Variants in TPCN2 observed in about 807,000 individuals in gnomAD.
TPCN2 encodes two pore channel protein 2.
Under a neutral mutation model 111.4 loss-of-function variants are expected in TPCN2, and 92 were observed. The ratio of observed to expected loss-of-function variants is 0.83; its 90% CI spans 0.70 to 0.98. The LOEUF (loss-of-function observed/expected upper bound fraction) is 0.98, where lower values mean the gene tolerates loss of function less well. TPCN2 is among the 50% of genes least tolerant of loss of function. The probability of loss-of-function intolerance (pLI) is 0.00; values close to 1 mark genes in which losing one functional copy is unlikely to be tolerated. For synonymous variants in TPCN2, 405 were observed against 414.5 expected, an observed-to-expected ratio of 0.98 and a Z score of 0.28; for missense variants, 995 against 980.1, an observed-to-expected ratio of 1.02 and a Z score of -0.20.
intron 7 of TPCN2, among the ~76,000 whole-genome samples, chr11:69,066,732 G>T (rs1366791340): frequency 1.3e-5 from 2 of 152,174 alleles, no homozygotes; most frequent in Non-Finnish European, 2.9e-5. Flanking sequence ...GTCCCGCTGT[G>T]CCACCTGCCC....
intron 3 of TPCN2, 48 bp downstream of exon 3, chr11:69,054,845 G>T (rs938095600): frequency 6.3e-7 from 1 of 1,586,464 alleles, no homozygotes; most frequent in African/African-American, 1.3e-5. Flanking sequence ...GGCTTGCGTG[G>T]CAGGGGAGGC....
At chr11:69,049,278 G>A (rs1388488787) in intron 1 of TPCN2, among the ~76,000 whole-genome samples, 172 bp downstream of exon 1, 1 of 152,162 alleles carries the variant, frequency 6.6e-6, no homozygotes, top group Non-Finnish European at 1.5e-5. Flanking sequence ...GAGGGCGAGT[G>A]GGCTGCGTCC....
chr11:69,049,032 T>G lies in TPCN2; in HGVS notation c.35T>G (p.Leu12Arg), dbSNP rs1861090019. 8.1e-7 allele frequency: 1 copy of G among 1,241,438 alleles called. No homozygotes were observed. The highest frequency in any genetic ancestry group is 1.0e-6 in the Non-Finnish European group (1 of 988,462). The allele number at this position is 1,241,438 out of a possible 1,614,324, so 76.9% of individuals were successfully genotyped here. A position where few individuals can be genotyped will look rare whatever the true frequency, so the allele number is the denominator to read the frequency against. Reference protein sequence around the residue: ...AEPQAESEPLLGGARGGGGDW... With the variant: ...AEPQAESEPLRGGARGGGGDW... The stretch of plus-strand genomic sequence containing the variant: ...CCCCAGGCGGAGTCGGAGCCCCTGC[T>G]GGGCGGGGCCCGCGGCGGTGGCGGC... The change falls in exon 1 of 25, where the codon CTG becomes CGG. Residue 12 changes from leucine (L) to arginine (R), a missense_variant. Physicochemically the swap from Leu to Arg is moderately radical, Grantham distance 102 (BLOSUM62 -2). Transcript: ENST00000294309.
intron 5 of TPCN2, 119 bp from the exon 6 acceptor site, chr11:69,062,765 T>A (rs748427622): frequency 1.8e-5 from 16 of 896,628 alleles, no homozygotes; most frequent in Non-Finnish European, 2.6e-5. Flanking sequence ...TTGGGCTCAG[T>A]GACTCTGGAG....
chr11:69,083,112 C>T (rs1008175455), intron 18 of TPCN2: 4 of 152,662 alleles, frequency 2.6e-5, no homozygotes, highest in African/African-American at 7.2e-5. Flanking sequence ...AACTTGTGCC[C>T]GTGTAAGATG....
At position 69,087,218 on chromosome 11, in the gene TPCN2, GGGAA is replaced by G; in HGVS notation, c.2180+15_2180+18del. The G allele has an allele frequency of 6.2e-7, 1 of 1,612,556 alleles. No individual in the cohort carries two copies. The highest frequency in any genetic ancestry group is 1.1e-5 in the South Asian group (1 of 90,974). ...GAGCTCCTGTTCAGGTGTGTGGGTGGGGAAGGCGCTTCTGTCTGGCCCCCTGGGA... is the reference window on the plus strand; with the variant it reads ...GAGCTCCTGTTCAGGTGTGTGGGTGGGGCGCTTCTGTCTGGCCCCCTGGGA... On this transcript the variant is annotated intron_variant, in intron 24 of 24. Coordinates refer to ENST00000294309, the MANE Select transcript of TPCN2 (RefSeq NM_139075.4).
rs757581829 is a variant in TPCN2, at chr11:69,085,257, C to CGTCATTGT, written c.1811_1818dup (p.Ala607SerfsTer46). 1.9e-6 allele frequency: 3 copies of CGTCATTGT among 1,596,868 alleles called. No homozygotes were observed. In the South Asian group the frequency reaches 3.3e-5, roughly 18 times the overall value. On this transcript the variant is annotated frameshift_variant, in exon 20 of 25. Transcript: ENST00000294309. LOFTEE classifies it high-confidence loss of function. The stretch of plus-strand genomic sequence containing the variant: ...TCATTGGGATCAACTTGTTTAGAGG[C>CGTCATTGT]GTCATTGTGGCTCTTCCTGGAAACA...
At chr11:69,086,795 T>C (rs1856294110) in intron 23 of TPCN2, among the ~76,000 whole-genome samples, 191 bp downstream of exon 23, 1 of 151,298 alleles carries the variant, frequency 6.6e-6, no homozygotes, top group Non-Finnish European at 1.5e-5. Context: ...GCTGGGGCCT[T>C]GGGGAGTGCT....
At chr11:69,086,443 G>T in intron 22 of TPCN2, 80 bp from the exon 23 acceptor site, 1 of 1,201,740 alleles carries the variant, frequency 8.3e-7, no homozygotes, top group Non-Finnish European at 1.2e-6. Context: ...AGCTGTCCTG[G>T]CCACGCAGCA....
At chr11:69,082,566 A>T (rs1392643677) in intron 18 of TPCN2, among the ~76,000 whole-genome samples, 2 of 152,188 alleles carry the variant, frequency 1.3e-5, no homozygotes, top group African/African-American at 4.8e-5. Flanking sequence ...GGTAAGACGC[A>T]TGATCGTGTG....
At chr11:69,080,266 C>T (rs917105282) in intron 17 of TPCN2, among the ~76,000 whole-genome samples, 4 of 152,218 alleles carry the variant, frequency 2.6e-5, no homozygotes, top group East Asian at 1.9e-4. Context: ...CCTCTGCTGG[C>T]GGGAAGGTCC....
Position 69,084,005 on chromosome 11 carries a change from G to C in TPCN2, c.1750G>C (p.Gly584Arg). 6.2e-7 allele frequency: 1 copy of C among 1,614,098 alleles called. No homozygotes were observed. Among genetic ancestry groups the C allele is most frequent in the South Asian group, 1.1e-5 (1 of 91,070 alleles). Residue 584 changes from glycine (G) to arginine (R), a missense_variant, in exon 19 of 25, where the codon GGG (glycine) becomes CGG (arginine). Transcript: ENST00000294309. The part of the protein sequence containing the change: ...GLVQNMRAFG[G>R]ILVVVYYVFA... Reference sequence around the variant, plus strand: ...GGTGCAGAACATGCGTGCGTTTGGCGGGATCCTGGTGGTGAGTCCCAGGCT... The same window carrying C: ...GGTGCAGAACATGCGTGCGTTTGGCCGGATCCTGGTGGTGAGTCCCAGGCT...
At chr11:69,066,995 C>T (rs1289195987) in intron 7 of TPCN2, among the ~76,000 whole-genome samples, 2 of 152,178 alleles carry the variant, frequency 1.3e-5, no homozygotes, top group African/African-American at 2.4e-5. Flanking sequence ...GGCTGTGATT[C>T]GCCACAGCCA....
chr11:69,086,014 G>A, intron 22 of TPCN2, 84 bp downstream of exon 22: 1 of 1,362,362 alleles, frequency 7.3e-7, no homozygotes, highest in Non-Finnish European at 1.0e-6. Context: ...ATCTGCACTG[G>A]ACGCCCGGAG....
Position 69,087,893 on chromosome 11 carries a change from CGGG to C in TPCN2, c.2201_2203del (p.Gly734del). 1 of 1,612,596 alleles carries C rather than the reference CGGG, an allele frequency of 6.2e-7. No individual in the cohort carries two copies. The highest frequency in any genetic ancestry group is 8.5e-7 in the Non-Finnish European group (1 of 1,179,804). On this transcript the variant is annotated inframe_deletion, in exon 25 of 25. Coordinates refer to ENST00000294309, the MANE Select transcript of TPCN2 (RefSeq NM_139075.4). ...TCCACAGGGATATTCTGGAGGAGCC[CGGG>C]GAGGATGAGCTCACAGAGAGGCTGA...
chr11:69,083,934 C>T lies in TPCN2; in HGVS notation c.1690-11C>T, dbSNP rs201584147. 20 of 1,613,474 alleles carry T rather than the reference C, an allele frequency of 1.2e-5. No homozygotes were observed. The highest frequency in any genetic ancestry group is 1.0e-4 in the Admixed American group (6 of 60,016). On this transcript the variant is annotated splice_polypyrimidine_tract_variant and intron_variant, in intron 18 of 24. Transcript: ENST00000294309. ...GGAGGAGTAAGGGCTGTGCTCTCTT[C>T]CTGTCCTCAGCTGATGGCCGTGGTG...
At chr11:69,054,147 C>T (rs746486502) in intron 2 of TPCN2, 50 bp downstream of exon 2, 47 of 1,521,696 alleles carry the variant, frequency 3.1e-5, no homozygotes, top group Admixed American at 1.2e-4. Flanking sequence ...GGCCGCCCTC[C>T]GATTGGCTCG....
intron 5 of TPCN2, among the ~76,000 whole-genome samples, chr11:69,060,482 T>C (rs1854972382): frequency 6.6e-6 from 1 of 152,076 alleles, no homozygotes; most frequent in South Asian, 2.1e-4. Context: ...CCGGTCACTG[T>C]TGGGTTTTGC....
At position 69,054,868 on chromosome 11, in the gene TPCN2, G is replaced by C. The variant is rs1407515965; in HGVS notation, c.251+71G>C. On this transcript the variant is annotated intron_variant, in intron 3 of 24. Transcript: ENST00000294309. The stretch of plus-strand genomic sequence containing the variant: ...TGGCAGGGGAGGCTGGCCCCCACCT[G>C]GGGATCACCTGGTCTCAGGGTCCAG... The C allele has an allele frequency of 3.4e-6, 5 of 1,489,650 alleles. No homozygotes were observed. In the East Asian group the frequency reaches 1.2e-4, roughly 35 times the overall value. 92.3% of individuals were successfully genotyped at this position (1,489,650 alleles called of 1,614,324 possible). A position where few individuals can be genotyped will look rare whatever the true frequency, so the allele number is the denominator to read the frequency against.
Sources: gnomAD v4.1 joint callset for allele counts (sites outside exome capture counted in the v4.1 genomes callset) on GRCh38, gnomAD v4.1.1 for gene constraint, MANE v1.5 for transcripts, NCBI Gene and HGNC (gene_info 2026-07-23, HGNC 2026-07-21) for gene names.